Variants in HS2ST1 observed in about 807,000 individuals in gnomAD.
HS2ST1 encodes heparan sulfate 2-O-sulfotransferase 1, also known as 2-O-sulfotransferase.
A neutral mutation model predicts 42.9 loss-of-function variants in HS2ST1; 18 were observed. The ratio of observed to expected loss-of-function variants is 0.42; its 90% confidence interval spans 0.29 to 0.62. The LOEUF is 0.62. Ranked by LOEUF, HS2ST1 falls within the 20% of genes least tolerant of loss-of-function variation. The pLI, the probability that HS2ST1 is intolerant of heterozygous loss-of-function variation, is 0.21. For missense variants in HS2ST1, 334 were observed against 433.8 expected (o/e 0.77, Z 2.04); for synonymous variants, 146 against 152.9 (o/e 0.95, Z 0.33).
At chr1:87,028,106 A>G (rs1248736731) in intron 1 of HS2ST1, among the ~76,000 whole-genome samples, 1 of 152,238 alleles carries the variant, frequency 6.6e-6, no homozygotes, top group Non-Finnish European at 1.5e-5. Flanking sequence ...GATTTATTTT[A>G]AAGTTTAAAC....
intron 1 of HS2ST1, among the ~76,000 whole-genome samples, chr1:86,931,125 G>C (rs931201112): frequency 6.6e-6 from 1 of 152,060 alleles, no homozygotes; most frequent in Non-Finnish European, 1.5e-5. Flanking sequence ...AGTAGGTTTT[G>C]AGAGTTTTGA....
chr1:87,038,897 A>C (rs1381855544), intron 1 of HS2ST1, among the ~76,000 whole-genome samples: 3 of 152,132 alleles, frequency 2.0e-5, no homozygotes, highest in African/African-American at 4.8e-5. Flanking sequence ...ACCTTTTCAC[A>C]TTTGAAGCTT....
chr1:87,030,539 C>A (rs960275802), intron 1 of HS2ST1, among the ~76,000 whole-genome samples: 1 of 151,176 alleles, frequency 6.6e-6, no homozygotes, highest in African/African-American at 2.4e-5. Flanking sequence ...CGCACACACG[C>A]ACACACACAT....
chr1:87,027,077 G>C (rs1650106409), intron 1 of HS2ST1, among the ~76,000 whole-genome samples: 1 of 152,150 alleles, frequency 6.6e-6, no homozygotes, highest in African/African-American at 2.4e-5. Context: ...TAAGTTAACA[G>C]TAGTTGAGAG....
intron 3 of HS2ST1, among the ~76,000 whole-genome samples, chr1:87,091,191 A>G (rs776353251): frequency 1.3e-5 from 2 of 152,040 alleles, no homozygotes; most frequent in Non-Finnish European, 2.9e-5. Flanking sequence ...TATTGGGTTC[A>G]TACAAAAAGT....
intron 1 of HS2ST1, among the ~76,000 whole-genome samples, chr1:86,973,836 G>A (rs919650950): frequency 7.0e-4 from 106 of 152,266 alleles, no homozygotes; most frequent in African/African-American, 2.5e-3. Flanking sequence ...GAATTCATAA[G>A]TCTTAAGGTT....
intron 1 of HS2ST1, among the ~76,000 whole-genome samples, chr1:86,979,564 A>G (rs900802365): frequency 6.6e-6 from 1 of 152,194 alleles, no homozygotes; most frequent in African/African-American, 2.4e-5. Flanking sequence ...GCTGAGTACT[A>G]TTACATTGAA....
intron 1 of HS2ST1, among the ~76,000 whole-genome samples, chr1:86,921,720 G>A (rs939222992): frequency 6.6e-6 from 1 of 152,112 alleles, no homozygotes; most frequent in Non-Finnish European, 1.5e-5. Flanking sequence ...GGACTTCTCA[G>A]TTTCCAGAAC....
At chr1:86,995,617 TGAG>T (rs1028828461) in intron 1 of HS2ST1, among the ~76,000 whole-genome samples, 21 of 152,144 alleles carry the variant, frequency 1.4e-4, no homozygotes, top group Admixed American at 5.9e-4. Context: ...GTGGGGTAGG[TGAG>T]GAGATCTCTG....
At chr1:87,092,150 TATTAA>T (rs1433888383) in intron 3 of HS2ST1, among the ~76,000 whole-genome samples, 4 of 152,056 alleles carry the variant, frequency 2.6e-5, no homozygotes, top group Non-Finnish European at 5.9e-5. Context: ...AAATTATAAA[TATTAA>T]ATTCTTTCCT....
chr1:86,991,184 A>G (rs1648941237), intron 1 of HS2ST1, among the ~76,000 whole-genome samples: 1 of 151,786 alleles, frequency 6.6e-6, no homozygotes, highest in Non-Finnish European at 1.5e-5. Flanking sequence ...GGCTTGCTAG[A>G]TGCTCCACTT....
intron 2 of HS2ST1, among the ~76,000 whole-genome samples, chr1:87,078,945 A>G (rs971250469): frequency 3.3e-5 from 5 of 152,238 alleles, no homozygotes; most frequent in Admixed American, 6.5e-5. Context: ...AGTAGAGACC[A>G]GGAAAGTTCT....
At chr1:86,962,367 T>C (rs1478729607) in intron 1 of HS2ST1, among the ~76,000 whole-genome samples, 1 of 152,106 alleles carries the variant, frequency 6.6e-6, no homozygotes, top group Non-Finnish European at 1.5e-5. Context: ...TTATAAAATA[T>C]GAAGTTTGTA....
At chr1:87,074,872 TACTTA>T (rs895805947) in intron 2 of HS2ST1, among the ~76,000 whole-genome samples, 1 of 152,178 alleles carries the variant, frequency 6.6e-6, no homozygotes, top group African/African-American at 2.4e-5. Context: ...AAGAGTAACT[TACTTA>T]ACAAATGTTC....
At chr1:86,979,759 T>G (rs372642731) in intron 1 of HS2ST1, among the ~76,000 whole-genome samples, 6 of 152,350 alleles carry the variant, frequency 3.9e-5, no homozygotes, top group Admixed American at 6.5e-5. Flanking sequence ...TAATTCTATC[T>G]TTCACTTTTT....
intron 1 of HS2ST1, chr1:87,046,643 G>C (rs576629381): frequency 5.2e-6 from 8 of 1,542,310 alleles, no homozygotes; most frequent in East Asian, 2.3e-5. Context: ...GAATGCATCA[G>C]ATCAACAGAA....
Position 86,915,282 on chromosome 1 carries a change from G to C in HS2ST1, c.124+122G>C, listed in dbSNP as rs1348648618. 2.7e-6 allele frequency: 3 copies of C among 1,127,618 alleles called. No individual in the cohort carries two copies. In the African/African-American group the frequency reaches 4.8e-5, roughly 18 times the overall value. The allele number at this position is 1,127,618 out of a possible 1,614,324, so 69.9% of individuals were successfully genotyped here. A position where few individuals can be genotyped will look rare whatever the true frequency, so the allele number is the denominator to read the frequency against. Reference sequence around the variant, plus strand: ...CTCGGGGGCTGAAAGCGGTTTCAAAGAGAACCGGGAACAAGGGGCAGCGAG... The same window carrying C: ...CTCGGGGGCTGAAAGCGGTTTCAAACAGAACCGGGAACAAGGGGCAGCGAG... On this transcript the variant is annotated intron_variant, in intron 1 of 6. Transcript: ENST00000370550.
intron 1 of HS2ST1, among the ~76,000 whole-genome samples, chr1:86,990,836 ATTTTTTTTTTT>A (rs55739816): frequency 1.0e-3 from 44 of 44,212 alleles, no homozygotes; most frequent in Admixed American, 2.4e-3. Flanking sequence ...ATATATATAT[ATTTTTTTTTTT>A]TTTTTTTTTT....
At chr1:87,080,406 G>C (rs1179835083) in intron 2 of HS2ST1, among the ~76,000 whole-genome samples, 3 of 152,178 alleles carry the variant, frequency 2.0e-5, no homozygotes, top group African/African-American at 7.2e-5. Flanking sequence ...AGATGGAGTA[G>C]TTTTGAACGA....
Sources: gnomAD v4.1 joint callset for allele counts (sites outside exome capture counted in the v4.1 genomes callset) on GRCh38, gnomAD v4.1.1 for gene constraint, MANE v1.5 for transcripts, NCBI Gene and HGNC (gene_info 2026-07-23, HGNC 2026-07-21) for gene names.